TLE4: variants seen among roughly 807,000 people sequenced by gnomAD.
TLE4 encodes TLE family member 4, transcriptional corepressor, also known as transducin-like enhancer protein 4.
Under a neutral mutation model 92.8 loss-of-function variants are expected in TLE4, and 8 were observed. That is an observed-to-expected ratio of 0.09 (90% confidence interval 0.05 to 0.16). The LOEUF (loss-of-function observed/expected upper bound fraction) is 0.16, where lower values mean the gene tolerates loss of function less well. Among genes scored for constraint, TLE4 ranks in the 10% least tolerant of loss-of-function variants. TLE4 has a pLI of 1.00. For missense variants in TLE4, 675 were observed against 997.6 expected, an observed-to-expected ratio of 0.68 and a Z score of 4.36; for synonymous variants, 371 against 374.1, an observed-to-expected ratio of 0.99 and a Z score of 0.10.
chr9:79,572,762 G>C lies in TLE4; in HGVS notation c.-29G>C. The C allele has an allele frequency of 6.3e-7, 1 of 1,595,582 alleles. No individual in the cohort carries two copies. The highest frequency in any genetic ancestry group is 1.4e-5 in the African/African-American group (1 of 72,658). On this transcript the variant is annotated 5_prime_UTR_variant, in exon 1 of 20. Transcript: ENST00000376552. ...TAAAGCCAATGAGCCGCGCGCCTCT[G>C]CCGAGCGCAGCCAACTAAATCGGCT...
At chr9:79,657,580 C>T (rs1414030068) in intron 8 of TLE4, among the ~76,000 whole-genome samples, 1 of 152,112 alleles carries the variant, frequency 6.6e-6, no homozygotes, top group Admixed American at 6.5e-5. Flanking sequence ...GAGTCAGCTG[C>T]CCAGACTGAA....
chr9:79,612,741 C>A, intron 5 of TLE4, 23 bp downstream of exon 5: 2 of 1,610,000 alleles, frequency 1.2e-6, no homozygotes. Flanking sequence ...ATTTTAGGCA[C>A]TGGACTAGAA....
chr9:79,706,701 A>G, intron 10 of TLE4, 46 bp from the exon 11 acceptor site: 1 of 1,582,786 alleles, frequency 6.3e-7, no homozygotes, highest in Non-Finnish European at 8.6e-7. Context: ...CCCCAGCATT[A>G]TAAATGTGCT....
chr9:79,647,961 G>A (rs546937835), intron 6 of TLE4, among the ~76,000 whole-genome samples: 1 of 151,726 alleles, frequency 6.6e-6, no homozygotes, highest in Non-Finnish European at 1.5e-5. Flanking sequence ...TACATATAGA[G>A]ACAGATGAGA....
Position 79,588,441 on chromosome 9 carries a change from G to A in TLE4, c.252+12264G>A, listed in dbSNP as rs533957671. 1.3e-4 allele frequency among the ~76,000 whole-genome samples: 20 copies of A among 152,184 alleles called. No homozygotes were observed. The South Asian group carries it at 2.1e-3, about 16-fold the overall frequency. ...TGGGATTACAGGTGTGAGCCACCGC[G>A]CCCGGCCTATCCTTGTTTTCTAAAT... On this transcript the variant is annotated intron_variant, in intron 4 of 19. Transcript: ENST00000376552.
At chr9:79,608,347 G>A (rs2047582324) in intron 4 of TLE4, among the ~76,000 whole-genome samples, 1 of 152,050 alleles carries the variant, frequency 6.6e-6, no homozygotes, top group African/African-American at 2.4e-5. Flanking sequence ...AGAAAATTTG[G>A]AACAAATCAA....
chr9:79,708,562 T>G (rs1180369611), intron 12 of TLE4, 31 bp from the exon 13 acceptor site: 23 of 1,588,564 alleles, frequency 1.4e-5, no homozygotes, highest in Non-Finnish European at 2.0e-5. Context: ...CCTGTGTTCT[T>G]CATTTTTCTT....
intron 15 of TLE4, 53 bp from the exon 16 acceptor site, chr9:79,719,993 A>T (rs191161908): frequency 1.3e-6 from 2 of 1,555,302 alleles, no homozygotes; most frequent in Admixed American, 3.7e-5. Context: ...TCTCATGTTA[A>T]TGCTGTTTTC....
intron 8 of TLE4, among the ~76,000 whole-genome samples, chr9:79,696,829 A>T (rs1395560315): frequency 6.6e-6 from 1 of 152,190 alleles, no homozygotes; most frequent in Non-Finnish European, 1.5e-5. Context: ...GCTTGTGTTG[A>T]TATTTTCATT....
At chr9:79,669,748 A>G (rs113929806) in intron 8 of TLE4, among the ~76,000 whole-genome samples, 1,705 of 142,560 alleles carry the variant, frequency 0.012, 23 homozygotes, top group African/African-American at 0.038. Flanking sequence ...GACCAAATCT[A>G]GGAAAGAATA....
At chr9:79,711,760 C>T (rs746381769) in intron 14 of TLE4, among the ~76,000 whole-genome samples, 28 of 152,030 alleles carry the variant, frequency 1.8e-4, no homozygotes, top group Admixed American at 3.9e-4. Context: ...TTTTAACTTT[C>T]GATGTTATAA....
intron 6 of TLE4, among the ~76,000 whole-genome samples, chr9:79,633,426 C>T (rs1274323203): frequency 6.6e-6 from 1 of 152,134 alleles, no homozygotes; most frequent in Non-Finnish European, 1.5e-5. Context: ...CTTTCCTTTC[C>T]CCCAGTGAAT....
intron 1 of TLE4, 38 bp downstream of exon 1, chr9:79,572,873 T>TG: frequency 6.3e-7 from 1 of 1,578,062 alleles, no homozygotes; most frequent in African/African-American, 1.4e-5. Flanking sequence ...CGCCGGGTGC[T>TG]GGGGGATTCC....
intron 8 of TLE4, among the ~76,000 whole-genome samples, chr9:79,655,899 T>C (rs1038339558): frequency 5.9e-5 from 9 of 152,218 alleles, no homozygotes; most frequent in African/African-American, 2.2e-4. Flanking sequence ...TGTACACTTT[T>C]GTGTCAATTA....
At chr9:79,644,300 C>A (rs1285826087) in intron 6 of TLE4, among the ~76,000 whole-genome samples, 1 of 152,066 alleles carries the variant, frequency 6.6e-6, no homozygotes, top group African/African-American at 2.4e-5. Context: ...CTGAGGCCTC[C>A]CCAGCCGTGC....
chr9:79,667,707 G>A (rs942635752), intron 8 of TLE4, among the ~76,000 whole-genome samples: 1 of 152,150 alleles, frequency 6.6e-6, no homozygotes, highest in African/African-American at 2.4e-5. Context: ...GCAAGGTAAA[G>A]ATAGTGTGGA....
At chr9:79,607,077 TG>T (rs1184349828) in intron 4 of TLE4, among the ~76,000 whole-genome samples, 32 of 152,222 alleles carry the variant, frequency 2.1e-4, no homozygotes, top group African/African-American at 7.2e-4. Context: ...CTAACTGGTG[TG>T]AGATGGTATC....
chr9:79,625,285 C>T (rs962507906), intron 5 of TLE4, among the ~76,000 whole-genome samples: 12 of 151,986 alleles, frequency 7.9e-5, no homozygotes, highest in Admixed American at 2.0e-4. Context: ...TCCCAAAGTG[C>T]TGGGATTACA....
intron 8 of TLE4, chr9:79,671,343 GAA>G (rs762919688): frequency 1.8e-5 from 8 of 447,988 alleles, no homozygotes; most frequent in South Asian, 1.2e-4. Flanking sequence ...CTACTGGTAG[GAA>G]AAGCTAATAA....
Sources: gnomAD v4.1 joint callset for allele counts (sites outside exome capture counted in the v4.1 genomes callset) on GRCh38, gnomAD v4.1.1 for gene constraint, MANE v1.5 for transcripts, NCBI Gene and HGNC (gene_info 2026-07-23, HGNC 2026-07-21) for gene names.